The following SRRM1 variants were observed in gnomAD, a reference collection of about 807,000 sequenced individuals.
SRRM1 encodes the protein serine/arginine repetitive matrix protein 1.
Under a neutral mutation model 110.2 loss-of-function variants are expected in SRRM1, and 19 were observed. The ratio of observed to expected loss-of-function variants is 0.17; its 90% CI spans 0.12 to 0.25. SRRM1 has a LOEUF of 0.25. Among genes scored for constraint, SRRM1 ranks in the 10% least tolerant of loss-of-function variants. The probability of loss-of-function intolerance (pLI) is 1.00; values close to 1 mark genes in which losing one functional copy is unlikely to be tolerated. For synonymous variants in SRRM1, 443 were observed against 414.9 expected, an observed-to-expected ratio of 1.07 and a Z score of -0.82; for missense variants, 918 against 1,145.8, an observed-to-expected ratio of 0.80 and a Z score of 2.87.
chr1:24,652,790 T>A, intron 7 of SRRM1, 123 bp from the exon 8 acceptor site: 1 of 1,386,112 alleles, frequency 7.2e-7, no homozygotes, highest in Non-Finnish European at 9.7e-7. Flanking sequence ...ACCATAAAAA[T>A]CTACATAAAT....
chr1:24,650,155 A>T, intron 5 of SRRM1, 69 bp downstream of exon 5: 1 of 1,408,968 alleles, frequency 7.1e-7, no homozygotes, highest in South Asian at 1.6e-5. Flanking sequence ...TCCTTAGTTA[A>T]AAAGGAATCT....
In SRRM1 at chr1:24,672,218, T is replaced by C; in HGVS notation, c.2647T>C (p.Leu883=). ...ESEAEDNLDD[L]EKHLREKALR... is the part of the protein sequence containing the mutation. ...TGAAGCTGAAGATAACCTTGATGAT[T>C]TAGAAAAGCACCTGCGTGAAAAGGC... The change falls in exon 17 of 17, where the codon TTA becomes CTA. Residue 883 remains leucine, a synonymous_variant. Coordinates refer to ENST00000323848, the MANE Select transcript of SRRM1 (RefSeq NM_005839.4). The C allele has an allele frequency of 6.2e-7, 1 of 1,611,430 alleles. No homozygotes were observed. Among genetic ancestry groups the C allele is most frequent in the Middle Eastern group, 1.7e-4 (1 of 6,026 alleles).
intron 12 of SRRM1, among the ~76,000 whole-genome samples, chr1:24,665,120 A>T (rs914009702): frequency 1.3e-5 from 2 of 152,190 alleles, no homozygotes; most frequent in African/African-American, 4.8e-5. Flanking sequence ...ATGCTTCAGT[A>T]TCGTATTTTA....
chr1:24,661,124 T>A, intron 10 of SRRM1, 186 bp from the exon 11 acceptor site: 1 of 555,422 alleles, frequency 1.8e-6, no homozygotes, highest in Non-Finnish European at 3.3e-6. Flanking sequence ...AATTTTATTA[T>A]ATTTGGTGAA....
chr1:24,665,269 A>G (rs1245981107), intron 12 of SRRM1, among the ~76,000 whole-genome samples: 1 of 152,168 alleles, frequency 6.6e-6, no homozygotes, highest in Non-Finnish European at 1.5e-5. Flanking sequence ...TCTACTAAAA[A>G]TACAAAAAAG....
chr1:24,671,302 A>G, intron 15 of SRRM1, 84 bp from the exon 16 acceptor site: 2 of 1,357,848 alleles, frequency 1.5e-6, no homozygotes, highest in Admixed American at 2.2e-5. Context: ...TCCATTGGGG[A>G]TTTGAGGAAA....
At chr1:24,654,699 GT>G (rs1031259129) in intron 8 of SRRM1, among the ~76,000 whole-genome samples, 155 bp from the exon 9 acceptor site, 1 of 152,120 alleles carries the variant, frequency 6.6e-6, no homozygotes, top group Non-Finnish European at 1.5e-5. Flanking sequence ...CTAGGTTATG[GT>G]TTTTTCCCCC....
At chr1:24,643,495 C>A in intron 1 of SRRM1, 148 bp downstream of exon 1, 4 of 510,252 alleles carry the variant, frequency 7.8e-6, no homozygotes, top group Non-Finnish European at 1.2e-5. Context: ...CCCCCCCCCC[C>A]CGTGCGCTGC....
chr1:24,662,604 T>G, intron 11 of SRRM1, 56 bp from the exon 12 acceptor site: 1 of 1,582,828 alleles, frequency 6.3e-7, no homozygotes, highest in East Asian at 2.3e-5. Context: ...TTCAGAAAAC[T>G]TGGACAGATT....
At position 24,651,697 on chromosome 1, in the gene SRRM1, CTACT is replaced by C. The variant is rs1191374535; in HGVS notation, c.725+88_725+91del. The C allele has an allele frequency of 3.1e-5, 33 of 1,061,048 alleles. No homozygotes were observed. The East Asian group carries it at 8.0e-4, about 26-fold the overall frequency. The allele number at this position is 1,061,048 out of a possible 1,614,324, so 65.7% of individuals were successfully genotyped here. A position where few individuals can be genotyped will look rare whatever the true frequency, so the allele number is the denominator to read the frequency against. ...ATATGACATCTGAGTTAAAATAAAA[CTACT>C]TATTTTCCTTTTAGATTTTTTAAAT... On this transcript the variant is annotated intron_variant, in intron 6 of 16. Transcript: ENST00000323848.
chr1:24,650,339 CT>C (rs1659907850), intron 5 of SRRM1, among the ~76,000 whole-genome samples: 1 of 152,210 alleles, frequency 6.6e-6, no homozygotes, highest in Non-Finnish European at 1.5e-5. Flanking sequence ...AAACTTTAAA[CT>C]TTTTCTTCCA....
chr1:24,671,790 C>G (rs1004578970), intron 16 of SRRM1, among the ~76,000 whole-genome samples, 195 bp downstream of exon 16: 13 of 151,598 alleles, frequency 8.6e-5, no homozygotes, highest in African/African-American at 3.2e-4. Flanking sequence ...TGCAGCGATC[C>G]CCACACTTTT....
rs1250083100 is a variant in SRRM1 at position 24,652,046 on chromosome 1, A to AGTGTG, written c.726-388_726-387insGTGTG. Among the ~76,000 whole-genome samples, 2 of 131,536 alleles carry AGTGTG rather than the reference A, an allele frequency of 1.5e-5. 1 individual carries two copies. The highest frequency in any genetic ancestry group is 5.5e-5 in the African/African-American group (2 of 36,438). The allele number at this position is 131,536 out of a possible 152,430, so 86.3% of individuals were successfully genotyped here. ...GTACTAAAAATATATATATATATATATATATATATATATATATGTACACAC... is the reference window on the plus strand; with the variant it reads ...GTACTAAAAATATATATATATATATAGTGTGTATATATATATATATATGTACACAC... On this transcript the variant is annotated intron_variant, in intron 6 of 16. Transcript: ENST00000323848.
chr1:24,646,693 G>A lies in SRRM1; in HGVS notation c.138G>A (p.Glu46=), dbSNP rs2148197673. Residue 46 remains glutamate (E), a synonymous_variant, in exon 3 of 17, where the codon GAG becomes GAA. Coordinates refer to ENST00000323848, the MANE Select transcript of SRRM1 (RefSeq NM_005839.4). ...KKVDMSKVNL[E]VIKPWITKRV... is the part of the protein sequence containing the mutation. ...TGGACATGAGCAAAGTAAATTTGGA[G>A]GTTATAAAGCCTTGGATAACAAAAA... 5 of 1,601,110 alleles carry A rather than the reference G, an allele frequency of 3.1e-6. No individual in the cohort carries two copies. The highest frequency in any genetic ancestry group is 4.3e-6 in the Non-Finnish European group (5 of 1,175,840).
intron 14 of SRRM1, 41 bp downstream of exon 14, chr1:24,669,628 A>T: frequency 7.0e-7 from 1 of 1,424,120 alleles, no homozygotes; most frequent in Non-Finnish European, 9.5e-7. Flanking sequence ...ATACTTACAT[A>T]GCTGTTTATA....
chr1:24,646,216 G>T, intron 2 of SRRM1, 143 bp downstream of exon 2: 1 of 634,758 alleles, frequency 1.6e-6, no homozygotes, highest in Non-Finnish European at 2.8e-6. Context: ...CACCACACGT[G>T]GCACAGCCAT....
chr1:24,649,863 A>T, intron 4 of SRRM1, 108 bp from the exon 5 acceptor site: 9 of 954,988 alleles, frequency 9.4e-6, no homozygotes, highest in Non-Finnish European at 1.3e-5. Context: ...TCAAAAGAAG[A>T]GGCCGATGAA....
At chr1:24,671,156 G>A (rs1446485383) in intron 15 of SRRM1, among the ~76,000 whole-genome samples, 4 of 152,206 alleles carry the variant, frequency 2.6e-5, no homozygotes, top group Non-Finnish European at 5.9e-5. Flanking sequence ...TTTGTCTAAG[G>A]TCAAATAGTT....
In SRRM1 at chr1:24,652,581, C is replaced by T. The variant is rs777070097; in HGVS notation, c.873C>T (p.Arg291=). ...RSKSRSRTRS[R]SPSHTRPRRR... The stretch of plus-strand genomic sequence containing the variant: ...AATCAAGATCCCGGACGCGGTCCCG[C>T]TCTCCTTCTCACACTCGACCTAGAC... Residue 291 remains arginine, a synonymous_variant, in exon 7 of 17, where the codon CGC becomes CGT. Coordinates refer to ENST00000323848, the MANE Select transcript of SRRM1 (RefSeq NM_005839.4). The T allele has an allele frequency of 6.2e-7, 1 of 1,613,578 alleles. No individual in the cohort carries two copies. The highest frequency in any genetic ancestry group is 1.7e-5 in the Admixed American group (1 of 59,928).
Sources: gnomAD v4.1 joint callset for allele counts (sites outside exome capture counted in the v4.1 genomes callset) on GRCh38, gnomAD v4.1.1 for gene constraint, MANE v1.5 for transcripts, NCBI Gene and HGNC (gene_info 2026-07-23, HGNC 2026-07-21) for gene names.